Variants in EPB41 observed in about 807,000 individuals in gnomAD.
EPB41 encodes the protein protein 4.1.
A neutral mutation model predicts 108.0 loss-of-function variants in EPB41; 65 were observed. The ratio of observed to expected loss-of-function variants is 0.60; its 90% confidence interval spans 0.49 to 0.74. The LOEUF (loss-of-function observed/expected upper bound fraction) is 0.74, where lower values mean the gene tolerates loss of function less well. Ranked by LOEUF, EPB41 falls within the 30% of genes least tolerant of loss-of-function variation. The probability of loss-of-function intolerance (pLI) is 0.00; values close to 1 mark genes in which losing one functional copy is unlikely to be tolerated. For missense variants in EPB41, 875 were observed against 1,037.0 expected (o/e 0.84, Z 2.15); for synonymous variants, 336 against 358.9 (o/e 0.94, Z 0.72).
intron 7 of EPB41, among the ~76,000 whole-genome samples, chr1:29,019,424 T>C (rs2096615561): frequency 6.6e-6 from 1 of 152,176 alleles, no homozygotes. Context: ...GGTAAAAAAT[T>C]CAGTAAATAT....
At chr1:29,049,224 AT>A (rs1644065245) in intron 11 of EPB41, among the ~76,000 whole-genome samples, 1 of 152,176 alleles carries the variant, frequency 6.6e-6, no homozygotes, top group African/African-American at 2.4e-5. Flanking sequence ...GATGACAAAG[AT>A]TATATTTTTC....
At chr1:28,993,280 G>A (rs2096070676) in intron 2 of EPB41, 50 bp from the exon 3 acceptor site, 1 of 1,461,202 alleles carries the variant, frequency 6.8e-7, no homozygotes, top group East Asian at 2.3e-5. Context: ...TATACAGCAT[G>A]TTTTGTGAAA....
chr1:29,021,873 C>T (rs975486301), intron 7 of EPB41, among the ~76,000 whole-genome samples: 3 of 152,124 alleles, frequency 2.0e-5, no homozygotes, highest in Admixed American at 1.3e-4. Context: ...TGAGCCATCG[C>T]GCCCGGTGGC....
At chr1:29,025,571 A>T (rs1302861964) in intron 7 of EPB41, among the ~76,000 whole-genome samples, 1 of 152,052 alleles carries the variant, frequency 6.6e-6, no homozygotes. Flanking sequence ...TGATCATTAA[A>T]ATTTAAGGCA....
chr1:29,009,393 A>G (rs2096463185), intron 4 of EPB41, among the ~76,000 whole-genome samples: 1 of 152,178 alleles, frequency 6.6e-6, no homozygotes, highest in Non-Finnish European at 1.5e-5. Context: ...TATGATTGAC[A>G]CAAAAGTGGG....
At chr1:28,927,767 A>C (rs112232396) in intron 1 of EPB41, among the ~76,000 whole-genome samples, 66 of 152,188 alleles carry the variant, frequency 4.3e-4, no homozygotes, top group African/African-American at 1.6e-3. Context: ...GCCAGTAAGG[A>C]TATGGGATTT....
At chr1:28,961,559 T>C (rs567585093) in intron 1 of EPB41, among the ~76,000 whole-genome samples, 29 of 152,300 alleles carry the variant, frequency 1.9e-4, no homozygotes, top group Non-Finnish European at 3.4e-4. Context: ...CATCTGAAAT[T>C]GTATCTATTT....
intron 1 of EPB41, among the ~76,000 whole-genome samples, chr1:28,959,211 T>A (rs939849485): frequency 2.9e-5 from 4 of 138,050 alleles, no homozygotes; most frequent in African/African-American, 1.1e-4. Context: ...AAAAGTTTGA[T>A]CTTTTTTTTT....
At chr1:29,087,337 G>A (rs1012455313) in intron 16 of EPB41, among the ~76,000 whole-genome samples, 3 of 151,902 alleles carry the variant, frequency 2.0e-5, no homozygotes, top group African/African-American at 7.3e-5. Context: ...TGTTGGAGTG[G>A]CAGCAAAATA....
chr1:28,973,835 A>G (rs1361710146), intron 1 of EPB41, among the ~76,000 whole-genome samples: 1 of 152,154 alleles, frequency 6.6e-6, no homozygotes, highest in Non-Finnish European at 1.5e-5. Context: ...GCTTGAGTGA[A>G]TATTTTTGAT....
chr1:28,934,667 TGTGTG>T (rs200947886), intron 1 of EPB41, among the ~76,000 whole-genome samples: 101 of 1,248 alleles, frequency 0.081, 1 homozygote, highest in African/African-American at 0.13. Context: ...CTTTTGACAT[TGTGTG>T]TGTGTGTGTG....
intron 2 of EPB41, among the ~76,000 whole-genome samples, chr1:28,988,447 C>T (rs765075856): frequency 4.0e-5 from 6 of 151,406 alleles, no homozygotes; most frequent in Non-Finnish European, 8.8e-5. Flanking sequence ...GCAACCTCCC[C>T]GTCCTGGGTT....
chr1:29,089,381 C>T (rs1235021826), intron 16 of EPB41, among the ~76,000 whole-genome samples: 3 of 152,156 alleles, frequency 2.0e-5, no homozygotes, highest in Non-Finnish European at 2.9e-5. Context: ...ACCTTCAACA[C>T]GTTTTTACTG....
intron 7 of EPB41, 84 bp from the exon 8 acceptor site, chr1:29,030,316 T>TA: frequency 1.8e-6 from 2 of 1,102,768 alleles, no homozygotes; most frequent in South Asian, 2.5e-5. Flanking sequence ...GTTCATGTGT[T>TA]TAAAATACAG....
At chr1:29,028,141 T>C (rs2096745591) in intron 7 of EPB41, among the ~76,000 whole-genome samples, 2 of 152,186 alleles carry the variant, frequency 1.3e-5, no homozygotes, top group Admixed American at 1.3e-4. Context: ...TCCTTATTTT[T>C]TAAAGCATGC....
rs1464237609 is a variant in EPB41, at chr1:29,109,693, G to GC, written c.2415+256_2415+257insC. 9.9e-6 allele frequency: 5 copies of GC among 506,888 alleles called. No individual in the cohort carries two copies. The East Asian group carries it at 1.8e-4, about 18-fold the overall frequency. The allele number at this position is 506,888 out of a possible 1,614,324, so 31.4% of individuals were successfully genotyped here. On this transcript the variant is annotated intron_variant, in intron 18 of 20. Coordinates refer to ENST00000343067, the MANE Select transcript of EPB41 (RefSeq NM_001376013.1). ...GTGTGGTTGTTCTCTTTACACATCT[G>GC]TCTCTCTGGTCAGTGAGTCCCCTGT...
intron 1 of EPB41, among the ~76,000 whole-genome samples, chr1:28,896,260 T>A (rs1373289037): frequency 6.6e-6 from 1 of 152,140 alleles, no homozygotes; most frequent in Non-Finnish European, 1.5e-5. Flanking sequence ...TGAATATTAT[T>A]TGGGGATTAT....
chr1:29,015,260 T>TA (rs2096562672), intron 5 of EPB41, among the ~76,000 whole-genome samples: 1 of 151,800 alleles, frequency 6.6e-6, no homozygotes, highest in South Asian at 2.1e-4. Flanking sequence ...TGTATTAATA[T>TA]AAAAAGAGAA....
At chr1:29,001,223 G>A (rs1326189340) in intron 4 of EPB41, among the ~76,000 whole-genome samples, 3 of 152,024 alleles carry the variant, frequency 2.0e-5, no homozygotes, top group East Asian at 3.9e-4. Context: ...CCAGCTATGC[G>A]GGAGGCTGAG....
Sources: gnomAD v4.1 joint callset for allele counts (sites outside exome capture counted in the v4.1 genomes callset) on GRCh38, gnomAD v4.1.1 for gene constraint, MANE v1.5 for transcripts, NCBI Gene and HGNC (gene_info 2026-07-23, HGNC 2026-07-21) for gene names.